The following RAPGEF6 variants were observed in gnomAD, a reference collection of about 807,000 sequenced individuals.
The protein encoded by RAPGEF6 is PDZ domain containing guanine nucleotide exchange factor (GEF) 2.
In RAPGEF6, 56 loss-of-function variants were observed where a neutral mutation model predicts 171.4. The observed-to-expected ratio is 0.33, with a 90% CI of 0.26 to 0.41. RAPGEF6 has a LOEUF of 0.41. RAPGEF6 is among the 10% of genes least tolerant of loss of function. RAPGEF6 has a pLI of 1.00. For synonymous variants in RAPGEF6, 692 were observed against 650.1 expected (o/e 1.06, Z -0.98); for missense variants, 1,674 against 1,921.4 (o/e 0.87, Z 2.41).
intron 17 of RAPGEF6, chr5:131,469,792 G>C: frequency 6.6e-7 from 1 of 1,510,286 alleles, no homozygotes; most frequent in Non-Finnish European, 8.9e-7. Flanking sequence ...CAGTCTTTAA[G>C]ATACTTACAA....
At chr5:131,579,979 G>A (rs563780051) in intron 4 of RAPGEF6, among the ~76,000 whole-genome samples, 1 of 152,384 alleles carries the variant, frequency 6.6e-6, no homozygotes, top group East Asian at 1.9e-4. Flanking sequence ...TTTGCCTAGT[G>A]GACCCAGCAC....
chr5:131,443,293 G>C (rs1752498068), intron 22 of RAPGEF6, among the ~76,000 whole-genome samples: 1 of 152,106 alleles, frequency 6.6e-6, no homozygotes, highest in Non-Finnish European at 1.5e-5. Context: ...GCCCAGGCTG[G>C]TCTCGAACTC....
intron 15 of RAPGEF6, among the ~76,000 whole-genome samples, chr5:131,483,079 T>G (rs1386122029): frequency 6.6e-6 from 1 of 152,192 alleles, no homozygotes; most frequent in African/African-American, 2.4e-5. Context: ...CTGGGTGTGG[T>G]GGCTCATGCC....
intron 6 of RAPGEF6, among the ~76,000 whole-genome samples, chr5:131,531,537 T>C (rs538089482): frequency 6.6e-6 from 1 of 152,328 alleles, no homozygotes; most frequent in Admixed American, 6.5e-5. Flanking sequence ...CTCCAGCTGC[T>C]AATGGTTTAC....
rs114923799 is a variant in RAPGEF6 at position 131,611,887 on chromosome 5, C to T, written c.70-7194G>A. ...TCTTCCCAAATTATACACTTTCCCC[C>T]ATTTTTTCATGCCTTATTATGTAAC... On this transcript the variant is annotated intron_variant, in intron 1 of 27. Transcript: ENST00000509018. Among the ~76,000 whole-genome samples, 771 of 152,274 alleles carry T rather than the reference C, an allele frequency of 5.1e-3. 4 individuals carry two copies. Among genetic ancestry groups the T allele is most frequent in the African/African-American group, 0.017 (706 of 41,558 alleles).
chr5:131,634,122 A>G (rs1240728186), intron 1 of RAPGEF6, among the ~76,000 whole-genome samples: 3 of 152,268 alleles, frequency 2.0e-5, no homozygotes, highest in Admixed American at 2.0e-4. Context: ...AGAATTAACC[A>G]AAGCATTTCA....
At chr5:131,562,671 C>T (rs550892150) in intron 4 of RAPGEF6, among the ~76,000 whole-genome samples, 2 of 152,126 alleles carry the variant, frequency 1.3e-5, no homozygotes, top group South Asian at 4.2e-4. Flanking sequence ...TTTAATAATA[C>T]CTAATACACG....
intron 21 of RAPGEF6, chr5:131,449,935 T>C (rs1752952674): frequency 1.5e-6 from 2 of 1,354,866 alleles, no homozygotes; most frequent in East Asian, 2.5e-5. Flanking sequence ...ATTCATGCTA[T>C]TTTATGTGCG....
At chr5:131,482,267 CGTGTGTGTATGTGT>C (rs1755538480) in intron 15 of RAPGEF6, among the ~76,000 whole-genome samples, 1 of 78,466 alleles carries the variant, frequency 1.3e-5, no homozygotes, top group East Asian at 2.4e-4. Flanking sequence ...TATACACACA[CGTGTGTGTATGTGT>C]GTGTGTGTAT....
At chr5:131,575,922 C>G (rs1762578963) in intron 4 of RAPGEF6, among the ~76,000 whole-genome samples, 1 of 152,176 alleles carries the variant, frequency 6.6e-6, no homozygotes. Flanking sequence ...TAGAGGCCCT[C>G]AAGATCACAA....
chr5:131,633,389 T>C (rs1390057826), intron 1 of RAPGEF6, among the ~76,000 whole-genome samples: 1 of 152,008 alleles, frequency 6.6e-6, no homozygotes, highest in African/African-American at 2.4e-5. Flanking sequence ...TAAAGAGCAG[T>C]AGGATTTTTC....
At chr5:131,504,900 T>C in intron 10 of RAPGEF6, 122 bp from the exon 11 acceptor site, 1 of 929,562 alleles carries the variant, frequency 1.1e-6, no homozygotes, top group Non-Finnish European at 1.5e-6. Context: ...ACTTAATTCC[T>C]TTAATCTTTA....
intron 1 of RAPGEF6, among the ~76,000 whole-genome samples, chr5:131,614,021 C>T (rs1765109471): frequency 6.6e-6 from 1 of 152,046 alleles, no homozygotes; most frequent in Non-Finnish European, 1.5e-5. Flanking sequence ...GTGGCTCACA[C>T]CTGTAATCCC....
At chr5:131,475,589 C>T (rs1755042203) in intron 16 of RAPGEF6, among the ~76,000 whole-genome samples, 1 of 152,036 alleles carries the variant, frequency 6.6e-6, no homozygotes, top group Non-Finnish European at 1.5e-5. Flanking sequence ...GTTACTTAGG[C>T]AACTGTGATT....
intron 4 of RAPGEF6, among the ~76,000 whole-genome samples, chr5:131,573,446 A>G (rs1220689679): frequency 6.6e-6 from 1 of 151,982 alleles, no homozygotes; most frequent in Admixed American, 6.6e-5. Context: ...CAGTCCTACA[A>G]TCTAACCTGG....
chr5:131,604,194 A>C (rs1764412761), intron 2 of RAPGEF6, among the ~76,000 whole-genome samples: 1 of 152,204 alleles, frequency 6.6e-6, no homozygotes, highest in Non-Finnish European at 1.5e-5. Context: ...TTGGCATAAT[A>C]AATATCAACA....
chr5:131,479,497 G>A lies in RAPGEF6; in HGVS notation c.2081+16C>T. The A allele has an allele frequency of 1.2e-6, 2 of 1,612,102 alleles. No homozygotes were observed. Among genetic ancestry groups the A allele is most frequent in the Non-Finnish European group, 1.7e-6 (2 of 1,178,666 alleles). ...AAGATGAAAATTCCTGCATAGCTAA[G>A]ATCGGCATTACCTACCTAAATAGCT... is the stretch of plus-strand genomic sequence containing the variant. On this transcript the variant is annotated intron_variant, in intron 16 of 27. Coordinates refer to ENST00000509018, the MANE Select transcript of RAPGEF6 (RefSeq NM_016340.6).
At chr5:131,528,840 T>C (rs1433956927) in intron 6 of RAPGEF6, among the ~76,000 whole-genome samples, 2 of 152,088 alleles carry the variant, frequency 1.3e-5, no homozygotes, top group East Asian at 3.9e-4. Context: ...GACTTGGACT[T>C]TGAAGAAAGT....
chr5:131,537,488 A>G (rs1427917195), intron 6 of RAPGEF6, among the ~76,000 whole-genome samples: 1 of 152,010 alleles, frequency 6.6e-6, no homozygotes, highest in Non-Finnish European at 1.5e-5. Context: ...CTAAGGAAAT[A>G]ATCAGTCATG....
Sources: gnomAD v4.1 joint callset for allele counts (sites outside exome capture counted in the v4.1 genomes callset) on GRCh38, gnomAD v4.1.1 for gene constraint, MANE v1.5 for transcripts, NCBI Gene and HGNC (gene_info 2026-07-23, HGNC 2026-07-21) for gene names.